Variants in MICAL3 observed in about 807,000 individuals in gnomAD.
MICAL3 encodes microtubule associated monooxygenase, calponin and LIM domain containing 3.
Under a neutral mutation model 207.4 loss-of-function variants are expected in MICAL3, and 62 were observed. The observed-to-expected ratio is 0.30, with a 90% CI of 0.24 to 0.37. The LOEUF is 0.37. Ranked by LOEUF, MICAL3 falls within the 10% of genes least tolerant of loss-of-function variation. The pLI is 1.00. For missense variants in MICAL3, 2,368 were observed against 2,635.6 expected (o/e 0.90, Z 2.22); for synonymous variants, 1,077 against 1,069.3 (o/e 1.01, Z -0.14).
intron 1 of MICAL3, among the ~76,000 whole-genome samples, chr22:17,975,687 G>A (rs1382573490): frequency 3.9e-5 from 6 of 152,120 alleles, no homozygotes; most frequent in Non-Finnish European, 7.4e-5. Context: ...CCCCAAGTGT[G>A]TCCCCAAAAA....
chr22:17,962,281 C>T (rs1001245012), intron 1 of MICAL3, among the ~76,000 whole-genome samples: 1 of 152,112 alleles, frequency 6.6e-6, no homozygotes, highest in Non-Finnish European at 1.5e-5. Flanking sequence ...GGCAGGCTGT[C>T]GGGGTACAGA....
At chr22:17,879,170 T>C (rs1173176816) in intron 16 of MICAL3, among the ~76,000 whole-genome samples, 1 of 152,218 alleles carries the variant, frequency 6.6e-6, no homozygotes, top group Non-Finnish European at 1.5e-5. Flanking sequence ...GAATGCTATT[T>C]GCATTGGTCA....
chr22:17,806,700 G>A (rs1007985532), intron 29 of MICAL3, among the ~76,000 whole-genome samples: 1 of 152,188 alleles, frequency 6.6e-6, no homozygotes, highest in African/African-American at 2.4e-5. Flanking sequence ...ATTAACATTT[G>A]AGAGTAATTC....
intron 27 of MICAL3, chr22:17,813,672 T>C (rs1124070): frequency 0.3 from 45,879 of 152,080 alleles, 7,317 homozygotes; most frequent in Non-Finnish European, 0.34. Flanking sequence ...CTGATGTCAA[T>C]AGCAATGGGG....
rs1440347981 is a variant in MICAL3, at chr22:17,900,535, G to A, written c.847+307C>T. ...GAGGATCACTTGAGCCCAGGAGTTC[G>A]AGGCTGCAGTGAGCCGAGATCACGC... On this transcript the variant is annotated intron_variant, in intron 6 of 31. Transcript: ENST00000441493. The surrounding 1 kb of genome is among the most constrained non-coding windows in gnomAD (Gnocchi z 4.0). 1.3e-5 allele frequency among the ~76,000 whole-genome samples: 2 copies of A among 152,112 alleles called. No homozygotes were observed. Among genetic ancestry groups the A allele is most frequent in the South Asian group, 2.1e-4 (1 of 4,818 alleles).
chr22:18,013,198 G>A (rs1018230897), intron 1 of MICAL3, among the ~76,000 whole-genome samples: 1 of 152,184 alleles, frequency 6.6e-6, no homozygotes, highest in Non-Finnish European at 1.5e-5. Flanking sequence ...TCTTCAGCTG[G>A]CCTGGCTCTC....
Position 17,997,358 on chromosome 22 carries a change from C to T in MICAL3, c.-75+26923G>A, listed in dbSNP as rs373044069. On this transcript the variant is annotated intron_variant, in intron 1 of 31. Coordinates refer to ENST00000441493, the MANE Select transcript of MICAL3 (RefSeq NM_015241.3). ...GTATTACAGGCATGAGCCACTGCGC[C>T]CGGCCCATCTGGTCTTATTAAATAC... Among the ~76,000 whole-genome samples the T allele has an allele frequency of 5.0e-4, 76 of 152,264 alleles. 1 individual carries two copies. The South Asian group carries it at 0.015, about 31-fold the overall frequency.
chr22:17,933,208 C>G (rs1464442279), intron 1 of MICAL3, among the ~76,000 whole-genome samples: 3 of 152,126 alleles, frequency 2.0e-5, no homozygotes, highest in Non-Finnish European at 4.4e-5. Context: ...TAAAACTGAC[C>G]ACATAATTGG....
intron 1 of MICAL3, among the ~76,000 whole-genome samples, chr22:18,011,019 G>A (rs1923686196): frequency 6.7e-6 from 1 of 150,310 alleles, no homozygotes; most frequent in South Asian, 2.1e-4. Flanking sequence ...CTTTGAGACT[G>A]AATGTCTCCT....
chr22:17,986,660 A>C (rs1000183245), intron 1 of MICAL3, among the ~76,000 whole-genome samples: 1 of 152,208 alleles, frequency 6.6e-6, no homozygotes, highest in African/African-American at 2.4e-5. Context: ...CACACAGAGA[A>C]AAATGCATCC....
intron 20 of MICAL3, among the ~76,000 whole-genome samples, chr22:17,837,941 T>C (rs1340765579): frequency 6.6e-6 from 1 of 152,198 alleles, no homozygotes; most frequent in Non-Finnish European, 1.5e-5. Context: ...TTCAGCCTCC[T>C]GAGGAGCTGG....
intron 1 of MICAL3, among the ~76,000 whole-genome samples, chr22:17,950,922 A>G (rs1160822769): frequency 2.6e-5 from 4 of 152,220 alleles, no homozygotes; most frequent in African/African-American, 9.6e-5. Context: ...AGACATTTTT[A>G]AATACCCACC....
intron 5 of MICAL3, among the ~76,000 whole-genome samples, 189 bp downstream of exon 5, chr22:17,901,684 TAAATA>T (rs1237788160): frequency 6.6e-6 from 1 of 151,604 alleles, no homozygotes; most frequent in Non-Finnish European, 1.5e-5. Flanking sequence ...ATAAAATAAT[TAAATA>T]AAATAAAAGC....
chr22:17,944,652 T>C (rs416081), intron 1 of MICAL3, among the ~76,000 whole-genome samples: 45,760 of 151,940 alleles, frequency 0.3, 7,138 homozygotes, highest in East Asian at 0.53. Context: ...GATAGGACTG[T>C]GGGGACAGGC....
At position 17,883,495 on chromosome 22, in the gene MICAL3, C is replaced by T. The variant is rs116630963; in HGVS notation, c.2241+2383G>A. 4.5e-3 allele frequency among the ~76,000 whole-genome samples: 687 copies of T among 152,330 alleles called. 11 individuals are homozygous for T. Among genetic ancestry groups the T allele is most frequent in the African/African-American group, 0.016 (657 of 41,564 alleles). On this transcript the variant is annotated intron_variant, in intron 16 of 31. Transcript: ENST00000441493. ...AGGCACTGACGGCATCCAGGGCCCA[C>T]TCATGGCCCTCTCAGCATCTCAGCA...
chr22:17,813,269 C>G (rs1304821394), intron 27 of MICAL3: 2 of 152,218 alleles, frequency 1.3e-5, no homozygotes, highest in Non-Finnish European at 2.9e-5. Flanking sequence ...TGTGGTCTCA[C>G]CAGCCATATT....
intron 3 of MICAL3, among the ~76,000 whole-genome samples, chr22:17,904,115 C>T (rs1462486683): frequency 6.6e-6 from 1 of 152,238 alleles, no homozygotes; most frequent in Non-Finnish European, 1.5e-5. Flanking sequence ...TGCCATTATC[C>T]CCTTGCCATT....
At chr22:17,946,195 C>G (rs914216842) in intron 1 of MICAL3, among the ~76,000 whole-genome samples, 1 of 152,186 alleles carries the variant, frequency 6.6e-6, no homozygotes, top group African/African-American at 2.4e-5. Context: ...TTAACCGGAG[C>G]AGCTCTACCT....
At chr22:17,880,854 A>G (rs957596757) in intron 16 of MICAL3, among the ~76,000 whole-genome samples, 3 of 152,252 alleles carry the variant, frequency 2.0e-5, no homozygotes, top group African/African-American at 7.2e-5. Context: ...CTCACTGTGC[A>G]GCGAGAGAAA....
Sources: allele counts gnomAD v4.1 joint callset (sites outside exome capture counted in the v4.1 genomes callset), GRCh38; gene constraint gnomAD v4.1.1; non-coding constraint Gnocchi (gnomAD v3.1); transcripts MANE v1.5; gene names NCBI Gene and HGNC (gene_info 2026-07-23, HGNC 2026-07-21).